The following AUTS2 variants were observed in gnomAD, a reference collection of about 807,000 sequenced individuals.
AUTS2 encodes the protein activator of transcription and developmental regulator AUTS2, also known as autism susceptibility gene 2 protein.
A neutral mutation model predicts 112.4 loss-of-function variants in AUTS2; 17 were observed. That is an observed-to-expected ratio of 0.15 (90% CI 0.10 to 0.23). The LOEUF is 0.23. Ranked by LOEUF, AUTS2 falls within the 10% of genes least tolerant of loss-of-function variation. The pLI, the probability that AUTS2 is intolerant of heterozygous loss-of-function variation, is 1.00. For missense variants in AUTS2, 1,510 were observed against 1,701.6 expected, an observed-to-expected ratio of 0.89 and a Z score of 1.98; for synonymous variants, 751 against 702.7, an observed-to-expected ratio of 1.07 and a Z score of -1.09.
chr7:69,907,122 C>T (rs1005663410), intron 2 of AUTS2, among the ~76,000 whole-genome samples: 28 of 152,244 alleles, frequency 1.8e-4, no homozygotes, highest in Admixed American at 1.4e-3. Context: ...AAGAAAACCA[C>T]ACAAAACACC....
In AUTS2 at chr7:70,621,786, C is replaced by T. The variant is rs1804684987; in HGVS notation, c.691-76783C>T. On this transcript the variant is annotated intron_variant, in intron 5 of 18. Coordinates refer to ENST00000342771, the MANE Select transcript of AUTS2 (RefSeq NM_015570.4). ...GTGGACCAGTGCTGAACTTTGCTAG[C>T]TGTTCTGGGACGCTACAGCTAGGCA... 2.0e-5 allele frequency among the ~76,000 whole-genome samples: 3 copies of T among 146,670 alleles called. No homozygotes were observed. The Admixed American group carries it at 2.1e-4, about 10-fold the overall frequency.
chr7:70,274,942 A>C (rs970906450), intron 4 of AUTS2, among the ~76,000 whole-genome samples: 1 of 152,248 alleles, frequency 6.6e-6, no homozygotes, highest in South Asian at 2.1e-4. Context: ...TTATATTCCA[A>C]TGTTCATAGA....
rs142770838 is a variant in AUTS2 at position 69,951,295 on chromosome 7, CT to C, written c.522+51807del. On this transcript the variant is annotated intron_variant, in intron 2 of 18. Coordinates refer to ENST00000342771, the MANE Select transcript of AUTS2 (RefSeq NM_015570.4). ...ACTGGTCCACTCTTGAGTCTTCAGG[CT>C]TTTTTTTTTGCTTCAAGAGTAGCAT... 4.6e-3 allele frequency among the ~76,000 whole-genome samples: 680 copies of C among 146,832 alleles called. 7 individuals carry two copies. Among genetic ancestry groups the C allele is most frequent in the Admixed American group, 0.023 (337 of 14,710 alleles).
intron 1 of AUTS2, among the ~76,000 whole-genome samples, chr7:69,609,442 A>G (rs1263700967): frequency 6.6e-6 from 1 of 152,234 alleles, no homozygotes; most frequent in Non-Finnish European, 1.5e-5. Context: ...GTTTTTAAAC[A>G]CTGCCTCCCA....
chr7:69,770,794 CT>C (rs35595640), intron 1 of AUTS2, among the ~76,000 whole-genome samples: 43,293 of 151,688 alleles, frequency 0.29, 6,264 homozygotes, highest in South Asian at 0.36. Context: ...CTTCCGCTTG[CT>C]TTTTTTCCCC....
intron 5 of AUTS2, among the ~76,000 whole-genome samples, chr7:70,612,022 T>C (rs1804118461): frequency 6.6e-6 from 1 of 152,200 alleles, no homozygotes; most frequent in African/African-American, 2.4e-5. Context: ...CTGGAGTGTG[T>C]ATAATGTATA....
chr7:70,677,377 G>A lies in AUTS2; in HGVS notation c.691-21192G>A, dbSNP rs117454390. ...CCTCACGGTCTTCTAAATTCATCTC[G>A]TCCCAAGCAAAGTCTCTATATTCCC... On this transcript the variant is annotated intron_variant, in intron 5 of 18. Coordinates refer to ENST00000342771, the MANE Select transcript of AUTS2 (RefSeq NM_015570.4). Among the ~76,000 whole-genome samples the A allele has an allele frequency of 2.6e-3, 396 of 152,178 alleles. 2 individuals are homozygous for A. The highest frequency in any genetic ancestry group is 4.8e-3 in the Admixed American group (74 of 15,290).
rs140200039 is a variant in AUTS2, at chr7:70,470,096, G to A, written c.690+34315G>A. ...AATTCACCCTAATATTAGCAACAGTGTTATTTGCCTGAGGAAAAAACTAAC... is the reference window on the plus strand; with the variant it reads ...AATTCACCCTAATATTAGCAACAGTATTATTTGCCTGAGGAAAAAACTAAC... On this transcript the variant is annotated intron_variant, in intron 5 of 18. Coordinates refer to ENST00000342771, the MANE Select transcript of AUTS2 (RefSeq NM_015570.4). Among the ~76,000 whole-genome samples the A allele has an allele frequency of 9.2e-5, 14 of 152,318 alleles. No homozygotes were observed. The East Asian group carries it at 2.7e-3, about 29-fold the overall frequency.
chr7:70,785,263 C>A, intron 16 of AUTS2: 1 of 615,880 alleles, frequency 1.6e-6, no homozygotes, highest in Admixed American at 2.3e-5. Flanking sequence ...GCCTGAACTT[C>A]CCATGGTGCA....
chr7:70,089,853 A>G (rs141025459), intron 2 of AUTS2, among the ~76,000 whole-genome samples: 2,505 of 151,950 alleles, frequency 0.016, 24 homozygotes, highest in Middle Eastern at 0.031. Flanking sequence ...CTAAAAATAC[A>G]AAAATTAGCT....
intron 1 of AUTS2, among the ~76,000 whole-genome samples, chr7:69,751,573 A>G (rs999310231): frequency 3.3e-5 from 5 of 152,192 alleles, no homozygotes; most frequent in Non-Finnish European, 7.3e-5. Context: ...TGAAAGGATG[A>G]ATTATTGACC....
At chr7:69,992,978 C>T (rs1798800151) in intron 2 of AUTS2, among the ~76,000 whole-genome samples, 1 of 152,180 alleles carries the variant, frequency 6.6e-6, no homozygotes, top group Non-Finnish European at 1.5e-5. Context: ...CACATCTCTG[C>T]ATCTTAGCCT....
intron 1 of AUTS2, among the ~76,000 whole-genome samples, chr7:69,736,683 C>T (rs1038240741): frequency 1.3e-5 from 2 of 152,206 alleles, no homozygotes; most frequent in Admixed American, 1.3e-4. Context: ...CCTGCTGCAG[C>T]TTCTTGTCCT....
intron 1 of AUTS2, among the ~76,000 whole-genome samples, chr7:69,821,148 T>C (rs974085864): frequency 5.2e-4 from 79 of 152,282 alleles, no homozygotes; most frequent in African/African-American, 1.8e-3. Context: ...AAGTGCTGTG[T>C]GTATACTGGA....
chr7:69,751,962 C>A (rs1787756062), intron 1 of AUTS2, among the ~76,000 whole-genome samples: 1 of 152,194 alleles, frequency 6.6e-6, no homozygotes, highest in Non-Finnish European at 1.5e-5. Flanking sequence ...GCCCAATACA[C>A]AGTACTCACT....
chr7:70,242,223 G>T (rs543625632), intron 4 of AUTS2, among the ~76,000 whole-genome samples: 1 of 152,178 alleles, frequency 6.6e-6, no homozygotes, highest in Admixed American at 6.6e-5. Flanking sequence ...CCTCCATACT[G>T]TGTAGAGGAG....
chr7:70,574,235 G>A (rs1802066504), intron 5 of AUTS2, among the ~76,000 whole-genome samples: 1 of 152,014 alleles, frequency 6.6e-6, no homozygotes, highest in Non-Finnish European at 1.5e-5. Flanking sequence ...GTTGAAAGGA[G>A]ACCAGCAATG....
At chr7:70,544,190 C>G (rs79515300) in intron 5 of AUTS2, among the ~76,000 whole-genome samples, 1,719 of 152,332 alleles carry the variant, frequency 0.011, 38 homozygotes, top group African/African-American at 0.039. Flanking sequence ...TCCTCATAGT[C>G]TGTTGCAGTG....
chr7:69,775,519 A>G (rs936735747), intron 1 of AUTS2, among the ~76,000 whole-genome samples: 1 of 152,152 alleles, frequency 6.6e-6, no homozygotes, highest in Non-Finnish European at 1.5e-5. Context: ...GGGTTGAGTC[A>G]GGTCACCTTA....
Sources: gnomAD v4.1 joint callset for allele counts (sites outside exome capture counted in the v4.1 genomes callset) on GRCh38, gnomAD v4.1.1 for gene constraint, MANE v1.5 for transcripts, NCBI Gene and HGNC (gene_info 2026-07-23, HGNC 2026-07-21) for gene names.